The following NIBAN1 variants were observed in gnomAD, a reference collection of about 807,000 sequenced individuals.
The protein encoded by NIBAN1 is protein Niban 1.
NIBAN1 carries 81 observed loss-of-function variants against 75.1 expected under a neutral mutation model. That is an observed-to-expected ratio of 1.08 (90% CI 0.90 to 1.30). The LOEUF (loss-of-function observed/expected upper bound fraction) is 1.30, where lower values mean the gene tolerates loss of function less well. Among genes scored for constraint, NIBAN1 ranks in the 50% most tolerant of loss-of-function variants. The pLI, the probability that NIBAN1 is intolerant of heterozygous loss-of-function variation, is 0.00. For missense variants in NIBAN1, 1,133 were observed against 1,128.1 expected (o/e 1.00, Z -0.06); for synonymous variants, 436 against 424.8 (o/e 1.03, Z -0.32).
intron 4 of NIBAN1, 38 bp downstream of exon 4, chr1:184,890,070 A>T: frequency 6.9e-7 from 1 of 1,440,898 alleles, no homozygotes; most frequent in Non-Finnish European, 9.8e-7. Context: ...AAAGAAGCTT[A>T]GTCATTTTGC....
At chr1:184,845,014 T>C (rs1222697513) in intron 5 of NIBAN1, among the ~76,000 whole-genome samples, 1 of 152,264 alleles carries the variant, frequency 6.6e-6, no homozygotes, top group East Asian at 1.9e-4. Context: ...TCTACATTCC[T>C]GACCTATTAC....
At chr1:184,900,178 G>T (rs1004582966) in intron 1 of NIBAN1, among the ~76,000 whole-genome samples, 3 of 152,084 alleles carry the variant, frequency 2.0e-5, no homozygotes, top group African/African-American at 7.2e-5. Context: ...CACAGTCCTG[G>T]ATAAAATCAA....
intron 11 of NIBAN1, among the ~76,000 whole-genome samples, chr1:184,804,683 C>G (rs1008848593): frequency 6.6e-6 from 1 of 151,836 alleles, no homozygotes; most frequent in African/African-American, 2.4e-5. Context: ...TCTTTCTGTA[C>G]GCTAAAGCAT....
At chr1:184,894,841 G>A (rs938166106) in intron 2 of NIBAN1, among the ~76,000 whole-genome samples, 1 of 152,192 alleles carries the variant, frequency 6.6e-6, no homozygotes, top group African/African-American at 2.4e-5. Flanking sequence ...TAACTGTGGT[G>A]ATATATGTGC....
In NIBAN1 at chr1:184,823,208, T is replaced by A. The variant is rs768139186; in HGVS notation, c.944A>T (p.Gln315Leu). The A allele has an allele frequency of 6.2e-7, 1 of 1,614,258 alleles. No homozygotes were observed. The highest frequency in any genetic ancestry group is 8.5e-7 in the Non-Finnish European group (1 of 1,180,028). The change falls in exon 8 of 14, where the codon CAG (glutamine) becomes CTG (leucine). Residue 315 changes from glutamine (Q) to leucine (L), a missense_variant. By Grantham distance (113) the Gln-to-Leu change is moderately radical (BLOSUM62 -2). Coordinates refer to ENST00000367511, the MANE Select transcript of NIBAN1 (RefSeq NM_052966.4). ...TAAATAGTTCTTTGAGTTCACAATC[T>A]GATCCATGTCAGAACGGATCGTTCC... Reference protein sequence around the residue: ...LEGTIRSDMDQIVNSKNYLIG... With the variant: ...LEGTIRSDMDLIVNSKNYLIG...
rs1657470272 is a variant in NIBAN1 at position 184,919,340 on chromosome 1, C to T, written c.56-20031G>A. Among the ~76,000 whole-genome samples the T allele has an allele frequency of 3.3e-5, 5 of 152,310 alleles. No individual in the cohort carries two copies. The South Asian group carries it at 8.3e-4, about 25-fold the overall frequency. On this transcript the variant is annotated intron_variant, in intron 1 of 13. Transcript: ENST00000367511. ...AAAGGGAGCGCTGGAGTGTTTGATT[C>T]CTTTTCTCCAAATCCCATGTGAAGC...
At chr1:184,966,033 A>G (rs1013972916) in intron 1 of NIBAN1, among the ~76,000 whole-genome samples, 3 of 152,246 alleles carry the variant, frequency 2.0e-5, no homozygotes, top group Non-Finnish European at 1.5e-5. Context: ...AGTGAGTAAG[A>G]CTATAATGTT....
chr1:184,844,780 T>G (rs1655390626), intron 5 of NIBAN1, among the ~76,000 whole-genome samples: 1 of 152,162 alleles, frequency 6.6e-6, no homozygotes. Flanking sequence ...CCTAAGAAAT[T>G]AAACTGACCC....
At chr1:184,898,247 G>A (rs1162064728) in intron 2 of NIBAN1, among the ~76,000 whole-genome samples, 1 of 152,142 alleles carries the variant, frequency 6.6e-6, no homozygotes, top group Non-Finnish European at 1.5e-5. Flanking sequence ...TATTCACACA[G>A]CCTACTCTCA....
At chr1:184,893,068 C>T (rs981489275) in intron 3 of NIBAN1, among the ~76,000 whole-genome samples, 6 of 152,074 alleles carry the variant, frequency 3.9e-5, no homozygotes, top group African/African-American at 1.2e-4. Flanking sequence ...TACTGCACCT[C>T]GCCATCTTGA....
intron 11 of NIBAN1, among the ~76,000 whole-genome samples, chr1:184,804,382 C>G: frequency 1.3e-5 from 2 of 152,114 alleles, no homozygotes; most frequent in African/African-American, 4.8e-5. Context: ...TTCAAACAAC[C>G]AAAGGCTGCC....
At position 184,929,614 on chromosome 1, in the gene NIBAN1, T is replaced by C. The variant is rs114690994; in HGVS notation, c.56-30305A>G. On this transcript the variant is annotated intron_variant, in intron 1 of 13. Transcript: ENST00000367511. Reference sequence around the variant, plus strand: ...GATATATAAATTTTAAGGCATTCAGTTTTTAAGCATAAAACTCACTTGTAA... The same window carrying C: ...GATATATAAATTTTAAGGCATTCAGCTTTTAAGCATAAAACTCACTTGTAA... Among the ~76,000 whole-genome samples the C allele has an allele frequency of 4.1e-3, 622 of 152,312 alleles. 10 individuals carry two copies. The highest frequency in any genetic ancestry group is 0.014 in the African/African-American group (597 of 41,574).
intron 1 of NIBAN1, among the ~76,000 whole-genome samples, chr1:184,920,926 G>A (rs1323011677): frequency 1.3e-5 from 2 of 152,128 alleles, no homozygotes; most frequent in Non-Finnish European, 2.9e-5. Flanking sequence ...CTGAGGTCAG[G>A]AGTTCGAGAC....
intron 1 of NIBAN1, among the ~76,000 whole-genome samples, chr1:184,903,285 C>A (rs571501367): frequency 6.6e-6 from 1 of 152,316 alleles, no homozygotes; most frequent in Non-Finnish European, 1.5e-5. Flanking sequence ...ACAGCTTGTG[C>A]TGGGCATTGC....
intron 5 of NIBAN1, among the ~76,000 whole-genome samples, chr1:184,842,635 C>T (rs1473301201): frequency 6.6e-6 from 1 of 152,088 alleles, no homozygotes; most frequent in Admixed American, 6.5e-5. Flanking sequence ...CGCCTGTAAT[C>T]CTAGCTACTC....
At chr1:184,967,501 G>A (rs1015890286) in intron 1 of NIBAN1, among the ~76,000 whole-genome samples, 21 of 152,054 alleles carry the variant, frequency 1.4e-4, no homozygotes, top group Non-Finnish European at 8.8e-5. Context: ...TTTGTAAAAC[G>A]TTCACAGTAC....
rs143246041 is a variant in NIBAN1, at chr1:184,894,122, C to A, written c.271G>T (p.Val91Phe). The part of the protein sequence containing the change: ...EDIKKWKERY[V>F]VVKNDYAVES... ...ACAGCATAATCATTTTTAACTACAACGTATCTCTCCTTCCACTTCTTTATG... is the reference window on the plus strand; with the variant it reads ...ACAGCATAATCATTTTTAACTACAAAGTATCTCTCCTTCCACTTCTTTATG... The change falls in exon 3 of 14, where the codon GTT becomes TTT. Residue 91 changes from valine to phenylalanine, a missense_variant. Physicochemically the swap from Val to Phe is conservative, Grantham distance 50. Coordinates refer to ENST00000367511, the MANE Select transcript of NIBAN1 (RefSeq NM_052966.4). 3 of 1,612,662 alleles carry A rather than the reference C, an allele frequency of 1.9e-6. No homozygotes were observed. Among genetic ancestry groups the A allele is most frequent in the Non-Finnish European group, 2.5e-6 (3 of 1,179,398 alleles).
intron 1 of NIBAN1, among the ~76,000 whole-genome samples, chr1:184,953,404 GT>G (rs1338763987): frequency 6.6e-6 from 1 of 152,128 alleles, no homozygotes; most frequent in Admixed American, 6.5e-5. Context: ...ATTTTATTTT[GT>G]CCACTCTTCT....
chr1:184,947,891 G>A (rs1482411650), intron 1 of NIBAN1, among the ~76,000 whole-genome samples: 2 of 152,186 alleles, frequency 1.3e-5, no homozygotes, highest in African/African-American at 4.8e-5. Flanking sequence ...CCCTTGGTAA[G>A]GGCATTCAAG....
Sources: allele counts gnomAD v4.1 joint callset (sites outside exome capture counted in the v4.1 genomes callset), GRCh38; gene constraint gnomAD v4.1.1; transcripts MANE v1.5; gene names NCBI Gene and HGNC (gene_info 2026-07-23, HGNC 2026-07-21).